Variants in ZFP82 observed in about 807,000 individuals in gnomAD.
The protein encoded by ZFP82 is ZFP82 zinc finger protein.
ZFP82 carries 30 observed loss-of-function variants against 54.0 expected under a neutral mutation model. That is an observed-to-expected ratio of 0.56 (90% CI 0.42 to 0.75). The LOEUF is 0.75. Ranked by LOEUF, ZFP82 falls within the 30% of genes least tolerant of loss-of-function variation. The pLI is 0.00. For synonymous variants in ZFP82, 194 were observed against 209.5 expected, an observed-to-expected ratio of 0.93 and a Z score of 0.64; for missense variants, 500 against 636.8, an observed-to-expected ratio of 0.79 and a Z score of 2.31.
intron 4 of ZFP82, 88 bp from the exon 5 acceptor site, chr19:36,394,198 G>T: frequency 1.6e-6 from 2 of 1,226,394 alleles, no homozygotes; most frequent in Non-Finnish European, 2.3e-6. Context: ...GACAACAAAA[G>T]TAATCCTTAA....
Position 36,392,429 on chromosome 19 carries a change from G to A in ZFP82, c.*312C>T. ...CTCTTGATTGAAAGTGTGTCAAACT[G>A]CTGCACTCTTATATGACCATGTCAT... On this transcript the variant is annotated 3_prime_UTR_variant, in exon 5 of 5. Coordinates refer to ENST00000392161, the MANE Select transcript of ZFP82 (RefSeq NM_133466.4). 1 of 230,160 alleles carries A rather than the reference G, an allele frequency of 4.3e-6. No homozygotes were observed. The highest frequency in any genetic ancestry group is 1.1e-4 in the South Asian group (1 of 9,342). The allele number at this position is 230,160 out of a possible 1,614,324, so 14.3% of individuals were successfully genotyped here.
At chr19:36,397,963 T>C (rs2032324665) in intron 4 of ZFP82, among the ~76,000 whole-genome samples, 1 of 152,222 alleles carries the variant, frequency 6.6e-6, no homozygotes, top group Non-Finnish European at 1.5e-5. Flanking sequence ...AAAATGTTTA[T>C]ATAGATCAAT....
intron 4 of ZFP82, among the ~76,000 whole-genome samples, chr19:36,397,034 C>T (rs1286128139): frequency 2.0e-5 from 3 of 150,294 alleles, no homozygotes; most frequent in Admixed American, 6.6e-5. Flanking sequence ...AAATATTAAC[C>T]GATATAAAAG....
chr19:36,397,091 ATT>A (rs35809280), intron 4 of ZFP82, among the ~76,000 whole-genome samples: 3,018 of 132,258 alleles, frequency 0.023, 56 homozygotes, highest in South Asian at 0.064. Flanking sequence ...GCATAAACCA[ATT>A]TTTTTTTTTT....
At chr19:36,403,355 G>A (rs1431825341) in intron 4 of ZFP82, among the ~76,000 whole-genome samples, 1 of 105,396 alleles carries the variant, frequency 9.5e-6, no homozygotes, top group Non-Finnish European at 1.9e-5. Flanking sequence ...CAGGCGCGGT[G>A]GCTCACACCT....
intron 4 of ZFP82, among the ~76,000 whole-genome samples, chr19:36,400,640 C>T (rs7250589): frequency 0.047 from 7,120 of 152,288 alleles, 418 homozygotes; most frequent in African/African-American, 0.13. Flanking sequence ...TTCCCCCTTA[C>T]TCACTGGATC....
At chr19:36,415,329 T>C (rs2032651442) in intron 1 of ZFP82, among the ~76,000 whole-genome samples, 3 of 152,164 alleles carry the variant, frequency 2.0e-5, no homozygotes, top group Admixed American at 2.0e-4. Context: ...GACTGGGTGG[T>C]AGGGGATGGA....
At chr19:36,407,385 A>G (rs2032503011) in intron 3 of ZFP82, among the ~76,000 whole-genome samples, 1 of 152,130 alleles carries the variant, frequency 6.6e-6, no homozygotes, top group South Asian at 2.1e-4. Flanking sequence ...CAGATTTTTA[A>G]TTTTCAATCA....
chr19:36,409,273 CT>C (rs371455424), intron 2 of ZFP82, among the ~76,000 whole-genome samples: 91 of 147,318 alleles, frequency 6.2e-4, no homozygotes, highest in African/African-American at 1.2e-3. Flanking sequence ...TGTTTTATAA[CT>C]TTTTTTTTTT....
chr19:36,390,292 T>C lies in ZFP82; in HGVS notation c.*2449A>G, dbSNP rs2032172440. 6.6e-6 allele frequency: 1 copy of C among 151,998 alleles called. No individual in the cohort carries two copies. The highest frequency in any genetic ancestry group is 1.5e-5 in the Non-Finnish European group (1 of 68,020). The allele number at this position is 151,998 out of a possible 1,614,324, so 9.4% of individuals were successfully genotyped here. A position where few individuals can be genotyped will look rare whatever the true frequency, so the allele number is the denominator to read the frequency against. ...CCATACACTGTATTTGAAGGATACGTTTCTTAGTCTCCTTTAAAGTGTAGG... is the reference window on the plus strand; with the variant it reads ...CCATACACTGTATTTGAAGGATACGCTTCTTAGTCTCCTTTAAAGTGTAGG... On this transcript the variant is annotated 3_prime_UTR_variant, in exon 5 of 5. Coordinates refer to ENST00000392161, the MANE Select transcript of ZFP82 (RefSeq NM_133466.4).
At chr19:36,398,021 C>T (rs1310308554) in intron 4 of ZFP82, among the ~76,000 whole-genome samples, 1 of 152,102 alleles carries the variant, frequency 6.6e-6, no homozygotes, top group Non-Finnish European at 1.5e-5. Context: ...ATCCCTTTTC[C>T]CAAGAATAAA....
chr19:36,408,041 T>G, intron 2 of ZFP82, 28 bp from the exon 3 acceptor site: 1 of 1,604,260 alleles, frequency 6.2e-7, no homozygotes, highest in Non-Finnish European at 8.5e-7. Flanking sequence ...ACATTATAAA[T>G]GAAATGGAAG....
intron 2 of ZFP82, among the ~76,000 whole-genome samples, chr19:36,408,283 AG>A (rs1463239809): frequency 1.3e-5 from 2 of 152,154 alleles, no homozygotes; most frequent in African/African-American, 4.8e-5. Flanking sequence ...AAAAAAAATC[AG>A]TTTTCCAATT....
rs1401785365 is a variant in ZFP82 at position 36,405,603 on chromosome 19, C to T, written c.206G>A (p.Arg69Lys). 6.2e-7 allele frequency: 1 copy of T among 1,611,012 alleles called. No homozygotes were observed. Among genetic ancestry groups the T allele is most frequent in the East Asian group, 2.2e-5 (1 of 44,880 alleles). Residue 69 changes from arginine (R) to lysine (K), a missense_variant, in exon 4 of 5, where the codon AGG becomes AAG. Arg to Lys is a conservative substitution (Grantham distance 26). Coordinates refer to ENST00000392161, the MANE Select transcript of ZFP82 (RefSeq NM_133466.4). ...ACCTGGATATTGTCTTCTTCCTTTCCTCACAACTTTCCAAGGCTCTTTTCC... is the reference window on the plus strand; with the variant it reads ...ACCTGGATATTGTCTTCTTCCTTTCTTCACAACTTTCCAAGGCTCTTTTCC... Reference protein sequence around the residue: ...EQGKEPWKVVRKGRRQYPDLE... With the variant: ...EQGKEPWKVVKKGRRQYPDLE...
Position 36,412,786 on chromosome 19 carries a change from G to A in ZFP82, c.-78-2919C>T, listed in dbSNP as rs184581549. Among the ~76,000 whole-genome samples, 4 of 152,272 alleles carry A rather than the reference G, an allele frequency of 2.6e-5. No homozygotes were observed. In the East Asian group the frequency reaches 5.8e-4, roughly 22 times the overall value. On this transcript the variant is annotated intron_variant, in intron 1 of 4. Coordinates refer to ENST00000392161, the MANE Select transcript of ZFP82 (RefSeq NM_133466.4). ...AACCCCATGAGTTTGGTATTATTTG[G>A]TCGTGACCTGACAATGCTTGCTACA...
At chr19:36,400,048 G>C (rs1000903478) in intron 4 of ZFP82, among the ~76,000 whole-genome samples, 3 of 152,080 alleles carry the variant, frequency 2.0e-5, no homozygotes, top group African/African-American at 7.2e-5. Context: ...ATACTTTTAT[G>C]GTATGTACAT....
chr19:36,383,494 T>G (rs540071923), exon 2 of ZFP82: 43 of 152,300 alleles, frequency 2.8e-4, no homozygotes, highest in African/African-American at 8.9e-4. Context: ...TTACACCAAG[T>G]AATTTTCATT....
intron 1 of ZFP82, among the ~76,000 whole-genome samples, chr19:36,410,501 T>C (rs1467558286): frequency 6.6e-6 from 1 of 151,940 alleles, no homozygotes; most frequent in Non-Finnish European, 1.5e-5. Flanking sequence ...CTGTTGTTTG[T>C]TCTTGTTTTT....
chr19:36,388,741 C>T lies in ZFP82; in HGVS notation c.*4000G>A, dbSNP rs1316336625. 6.6e-6 allele frequency among the ~76,000 whole-genome samples: 1 copy of T among 151,986 alleles called. No individual in the cohort carries two copies. The highest frequency in any genetic ancestry group is 1.5e-5 in the Non-Finnish European group (1 of 67,992). On this transcript the variant is annotated 3_prime_UTR_variant, in exon 5 of 5. Transcript: ENST00000392161. ...TTAGTCTGTTATTTTATTAACTATT[C>T]CATTAATTTATTTGATCATATAAAC...
Sources: allele counts gnomAD v4.1 joint callset (sites outside exome capture counted in the v4.1 genomes callset), GRCh38; gene constraint gnomAD v4.1.1; transcripts MANE v1.5; gene names NCBI Gene and HGNC (gene_info 2026-07-23, HGNC 2026-07-21).